Variants in LACTB observed in about 807,000 individuals in gnomAD.
The protein encoded by LACTB is lactamase beta, also known as serine beta-lactamase-like protein LACTB, mitochondrial.
LACTB carries 35 observed loss-of-function variants against 50.2 expected under a neutral mutation model. The ratio of observed to expected loss-of-function variants is 0.70; its 90% CI spans 0.53 to 0.92. The LOEUF is 0.92. Among genes scored for constraint, LACTB ranks in the 40% least tolerant of loss-of-function variants. The pLI is 0.00. For synonymous variants in LACTB, 252 were observed against 268.2 expected, an observed-to-expected ratio of 0.94 and a Z score of 0.59; for missense variants, 664 against 691.8, an observed-to-expected ratio of 0.96 and a Z score of 0.45.
chr15:63,128,020 G>A (rs917927934), intron 4 of LACTB, among the ~76,000 whole-genome samples: 29 of 152,190 alleles, frequency 1.9e-4, no homozygotes, highest in Non-Finnish European at 2.6e-4. Context: ...TGATATTTTA[G>A]TATTTAGTTA....
rs561416923 is a variant in LACTB, at chr15:63,126,850, C to T, written c.425-9C>T. The T allele has an allele frequency of 1.8e-5, 26 of 1,474,902 alleles. No individual in the cohort carries two copies. In the African/African-American group the frequency reaches 3.1e-4, roughly 18 times the overall value. The allele number at this position is 1,474,902 out of a possible 1,614,324, so 91.4% of individuals were successfully genotyped here. On this transcript the variant is annotated splice_polypyrimidine_tract_variant and intron_variant, in intron 2 of 5. Transcript: ENST00000261893. ...GTTAATAGTGACTTTTTGCTTTTTT[C>T]CCCCAAAGGTTTAGGTTATGCTGAT...
At chr15:63,136,228 A>G (rs12908992) in intron 5 of LACTB, among the ~76,000 whole-genome samples, 9,629 of 152,100 alleles carry the variant, frequency 0.063, 415 homozygotes, top group Middle Eastern at 0.14. Context: ...TTTTTTGTAG[A>G]GATGAGATCT....
intron 5 of LACTB, among the ~76,000 whole-genome samples, chr15:63,140,183 G>T (rs2037215654): frequency 1.3e-5 from 2 of 152,106 alleles, no homozygotes; most frequent in African/African-American, 4.8e-5. Context: ...ATTTTATTTG[G>T]TTGGCTGGAA....
Position 63,122,114 on chromosome 15 carries a change from G to A in LACTB, c.243G>A (p.Glu81=), listed in dbSNP as rs961807493. 6.8e-7 allele frequency: 1 copy of A among 1,480,914 alleles called. No individual in the cohort carries two copies. The highest frequency in any genetic ancestry group is 1.5e-5 in the African/African-American group (1 of 68,226). The allele number at this position is 1,480,914 out of a possible 1,614,324, so 91.7% of individuals were successfully genotyped here. A position where few individuals can be genotyped will look rare whatever the true frequency, so the allele number is the denominator to read the frequency against. The change falls in exon 1 of 6, where the codon GAG becomes GAA. Residue 81 remains glutamate (E), a synonymous_variant. Transcript: ENST00000261893. ...ACCCTGAGGCGTCGCCTCTGGCCGA[G>A]CCGCCACAGGAGCAGTCCCTCGCCC... is the stretch of plus-strand genomic sequence containing the variant. ...APDPEASPLA[E]PPQEQSLAPW...
chr15:63,133,029 C>T (rs556580316), intron 5 of LACTB, among the ~76,000 whole-genome samples: 3 of 152,182 alleles, frequency 2.0e-5, no homozygotes, highest in Admixed American at 2.0e-4. Context: ...GTTGAAGTTA[C>T]TTACGTAAAT....
intron 5 of LACTB, among the ~76,000 whole-genome samples, chr15:63,139,187 A>G (rs1442994613): frequency 2.2e-5 from 2 of 92,042 alleles, no homozygotes; most frequent in African/African-American, 7.8e-5. Context: ...CGTCTCTACT[A>G]AAAATCCAAA....
rs1166988026 is a variant in LACTB, at chr15:63,129,518, C to A, written c.986C>A (p.Thr329Asn). 6.2e-7 allele frequency: 1 copy of A among 1,607,502 alleles called. No individual in the cohort carries two copies. The highest frequency in any genetic ancestry group is 8.5e-7 in the Non-Finnish European group (1 of 1,177,146). The change falls in exon 5 of 6, where the codon ACC becomes AAC. Residue 329 changes from threonine (T) to asparagine (N), a missense_variant. By Grantham distance (65) the Thr-to-Asn change is moderately conservative (BLOSUM62 0). Coordinates refer to ENST00000261893, the MANE Select transcript of LACTB (RefSeq NM_032857.5). ...SQFLYSTFGY[T>N]LLAAIVERAS... is the part of the protein sequence containing the mutation. ...TTTTTGTATTCAACTTTTGGCTATA[C>A]CCTACTGGCAGCCATAGTAGAGAGA...
intron 5 of LACTB, chr15:63,130,683 A>G (rs990220265): frequency 2.6e-5 from 4 of 152,302 alleles, no homozygotes; most frequent in East Asian, 3.9e-4. Context: ...ATGATCTCAC[A>G]TTGCATTTAC....
At chr15:63,137,182 C>G (rs1245568924) in intron 5 of LACTB, among the ~76,000 whole-genome samples, 1 of 152,200 alleles carries the variant, frequency 6.6e-6, no homozygotes, top group African/African-American at 2.4e-5. Context: ...AGGCACATAA[C>G]TATACTGATT....
At chr15:63,138,468 C>A (rs1246795497) in intron 5 of LACTB, among the ~76,000 whole-genome samples, 1 of 152,098 alleles carries the variant, frequency 6.6e-6, no homozygotes, top group East Asian at 1.9e-4. Context: ...TCTCAGTAAC[C>A]TAGTCAAGAA....
intron 5 of LACTB, among the ~76,000 whole-genome samples, chr15:63,137,401 T>A (rs1424932200): frequency 6.6e-6 from 1 of 152,248 alleles, no homozygotes; most frequent in Non-Finnish European, 1.5e-5. Context: ...TTTCTAATTT[T>A]ATAACTAGAT....
At chr15:63,139,194 C>CAAAAAAA in intron 5 of LACTB, among the ~76,000 whole-genome samples, 2 of 17,174 alleles carry the variant, frequency 1.2e-4, no homozygotes, top group Non-Finnish European at 3.3e-4. Flanking sequence ...ACTAAAAATC[C>CAAAAAAA]AAAAAAAAAA....
chr15:63,122,641 G>T lies in LACTB; in HGVS notation c.363G>T (p.Glu121Asp), dbSNP rs2036992370. 1.9e-6 allele frequency: 3 copies of T among 1,613,038 alleles called. No individual in the cohort carries two copies. Among genetic ancestry groups the T allele is most frequent in the Non-Finnish European group, 2.5e-6 (3 of 1,179,048 alleles). The change falls in exon 2 of 6, where the codon GAG becomes GAT. Residue 121 changes from glutamate to aspartate, a missense_variant. By Grantham distance (45) the Glu-to-Asp change is conservative. Transcript: ENST00000261893. ...SRDLLHRIKDEVGAPGIVVGV... is the reference protein window; with the variant it reads ...SRDLLHRIKDDVGAPGIVVGV... ...TCTTTCCCCTTCGGTCTTAGGATGA[G>T]GTGGGCGCACCGGGCATAGTGGTTG...
chr15:63,127,692 G>A lies in LACTB; in HGVS notation c.952+3G>A, dbSNP rs2037072828. The A allele has an allele frequency of 6.5e-7, 1 of 1,546,628 alleles. No homozygotes were observed. Among genetic ancestry groups the A allele is most frequent in the Admixed American group, 1.8e-5 (1 of 56,208 alleles). ...TGATCCTTTGTTCTTCAAACCTGGT[G>A]AGTGTTAATCCCTTCTCTTAACAAA... On this transcript the variant is annotated splice_donor_region_variant and intron_variant, in intron 4 of 5. Coordinates refer to ENST00000261893, the MANE Select transcript of LACTB (RefSeq NM_032857.5).
rs1291347840 is a variant in LACTB at position 63,121,980 on chromosome 15, G to A, written c.109G>A (p.Gly37Ser). The change falls in exon 1 of 6, where the codon GGC (glycine) becomes AGC (serine). Residue 37 changes from glycine (G) to serine (S), a missense_variant. By Grantham distance (56) the Gly-to-Ser change is moderately conservative. Coordinates refer to ENST00000261893, the MANE Select transcript of LACTB (RefSeq NM_032857.5). ...VHQRAGLPPL[G>S]HGWVGGLGLG... Reference sequence around the variant, plus strand: ...TCAGCGCGCCGGGCTGCCGCCTCTCGGCCACGGCTGGGTCGGGGGCCTCGG... The same window carrying A: ...TCAGCGCGCCGGGCTGCCGCCTCTCAGCCACGGCTGGGTCGGGGGCCTCGG... 1 of 1,367,638 alleles carries A rather than the reference G, an allele frequency of 7.3e-7. No individual in the cohort carries two copies. Among genetic ancestry groups the A allele is most frequent in the Non-Finnish European group, 9.4e-7 (1 of 1,068,176 alleles). 84.7% of individuals were successfully genotyped at this position (1,367,638 alleles called of 1,614,324 possible). A position where few individuals can be genotyped will look rare whatever the true frequency, so the allele number is the denominator to read the frequency against.
At chr15:63,128,775 G>T (rs772274179) in intron 4 of LACTB, among the ~76,000 whole-genome samples, 2 of 151,816 alleles carry the variant, frequency 1.3e-5, no homozygotes, top group African/African-American at 2.4e-5. Context: ...ATGGAGTCTG[G>T]CCCTGTCACC....
Position 63,141,725 on chromosome 15 carries a change from A to G in LACTB, c.1564A>G (p.Ile522Val), listed in dbSNP as rs1287065271. The G allele has an allele frequency of 2.5e-6, 4 of 1,614,036 alleles. No individual in the cohort carries two copies. Among genetic ancestry groups the G allele is most frequent in the East Asian group, 2.2e-5 (1 of 44,900 alleles). ...CCCAAGAGGAATCATTGTTTCTATC[A>G]TATGTAACATGCAATCTGTTGGCCT... Reference protein sequence around the residue: ...VPPRGIIVSIICNMQSVGLNS... With the variant: ...VPPRGIIVSIVCNMQSVGLNS... Residue 522 changes from isoleucine to valine, a missense_variant, in exon 6 of 6, where the codon ATA (isoleucine) becomes GTA (valine). Ile to Val is a conservative substitution (Grantham distance 29). Transcript: ENST00000261893.
chr15:63,121,921 G>C lies in LACTB; in HGVS notation c.50G>C (p.Gly17Ala). 6 of 1,426,236 alleles carry C rather than the reference G, an allele frequency of 4.2e-6. No individual in the cohort carries two copies. The African/African-American group carries it at 4.4e-5, about 10-fold the overall frequency. The allele number at this position is 1,426,236 out of a possible 1,614,324, so 88.3% of individuals were successfully genotyped here. A position where few individuals can be genotyped will look rare whatever the true frequency, so the allele number is the denominator to read the frequency against. The change falls in exon 1 of 6, where the codon GGC becomes GCC. Residue 17 changes from glycine (G) to alanine (A), a missense_variant. Transcript: ENST00000261893. ...ACTGCCCGGGCTGCCGCCCCCGGGG[G>C]CTTGGCCTCAAGCTGCGGACGACGC... is the stretch of plus-strand genomic sequence containing the variant. ...AVTARAAAPGGLASSCGRRGV... is the reference protein window; with the variant it reads ...AVTARAAAPGALASSCGRRGV...
intron 5 of LACTB, among the ~76,000 whole-genome samples, chr15:63,136,412 G>GGTTTGGTTTTTTT (rs1358838357): frequency 1.3e-5 from 2 of 151,200 alleles, no homozygotes; most frequent in South Asian, 2.1e-4. Context: ...AGATGCTTTT[G>GGTTTGGTTTTTTT]GTTTGGTTTT....
Sources: gnomAD v4.1 joint callset for allele counts (sites outside exome capture counted in the v4.1 genomes callset) on GRCh38, gnomAD v4.1.1 for gene constraint, MANE v1.5 for transcripts, NCBI Gene and HGNC (gene_info 2026-07-23, HGNC 2026-07-21) for gene names.